The following SAMD12 variants were observed in gnomAD, a reference collection of about 807,000 sequenced individuals.
SAMD12 encodes the protein sterile alpha motif domain containing 12.
In SAMD12, 9 loss-of-function variants were observed where a neutral mutation model predicts 15.0. That is an observed-to-expected ratio of 0.60 (90% CI 0.36 to 1.05). The LOEUF (loss-of-function observed/expected upper bound fraction) is 1.05, where lower values mean the gene tolerates loss of function less well. Ranked by LOEUF, SAMD12 falls within the 50% of genes least tolerant of loss-of-function variation. The probability of loss-of-function intolerance (pLI) is 0.01; values close to 1 mark genes in which losing one functional copy is unlikely to be tolerated. For missense variants in SAMD12, 230 were observed against 234.2 expected (o/e 0.98, Z 0.12); for synonymous variants, 86 against 90.1 (o/e 0.96, Z 0.25).
chr8:118,502,424 C>T lies in SAMD12; in HGVS notation c.193-62463G>A, dbSNP rs553136819. 2.0e-5 allele frequency among the ~76,000 whole-genome samples: 3 copies of T among 152,126 alleles called. No homozygotes were observed. The East Asian group carries it at 5.8e-4, about 29-fold the overall frequency. On this transcript the variant is annotated intron_variant, in intron 2 of 3. Transcript: ENST00000314727. ...GCATGTTGTTTCCCTGATGAATGTC[C>T]TAATTCACATAGACAAAAAAAAATC...
intron 3 of SAMD12, among the ~76,000 whole-genome samples, chr8:118,428,004 T>A (rs142117724): frequency 1.8e-4 from 28 of 152,304 alleles, no homozygotes; most frequent in African/African-American, 5.1e-4. Flanking sequence ...TTGTGATTTT[T>A]ATTTGGATTT....
chr8:118,394,766 C>T (rs1322448953), intron 3 of SAMD12: 2 of 152,194 alleles, frequency 1.3e-5, no homozygotes, highest in Non-Finnish European at 2.9e-5. Context: ...GCTTTATCCT[C>T]TCAGCTCTTT....
chr8:118,594,675 G>A (rs1586844185), intron 1 of SAMD12, among the ~76,000 whole-genome samples: 1 of 152,164 alleles, frequency 6.6e-6, no homozygotes, highest in African/African-American at 2.4e-5. Flanking sequence ...CCATTACAAT[G>A]AGTGCATGGA....
chr8:118,185,641 T>C (rs1336617249), downstream of SAMD12, among the ~76,000 whole-genome samples: 1 of 152,172 alleles, frequency 6.6e-6, no homozygotes, highest in East Asian at 1.9e-4. Context: ...TACAAAGGGA[T>C]TACAGGAGTC....
intron 2 of SAMD12, among the ~76,000 whole-genome samples, chr8:118,451,034 A>G (rs1823066227): frequency 6.6e-6 from 1 of 152,186 alleles, no homozygotes; most frequent in African/African-American, 2.4e-5. Context: ...TAAAAACTTT[A>G]CGTAAATCAT....
intron 2 of SAMD12, among the ~76,000 whole-genome samples, chr8:118,475,016 A>G (rs955029533): frequency 6.6e-6 from 1 of 152,158 alleles, no homozygotes. Context: ...AGGTGGGCGG[A>G]TCACTTGAGG....
chr8:118,603,503 CA>C (rs1312109410), intron 1 of SAMD12, among the ~76,000 whole-genome samples: 2 of 151,802 alleles, frequency 1.3e-5, no homozygotes, highest in African/African-American at 4.8e-5. Flanking sequence ...TTCCAACTTT[CA>C]AAAAAAAGTT....
At chr8:118,266,351 G>A (rs555442894) in intron 4 of SAMD12, among the ~76,000 whole-genome samples, 1 of 152,290 alleles carries the variant, frequency 6.6e-6, no homozygotes, top group Non-Finnish European at 1.5e-5. Flanking sequence ...AAATATTGGT[G>A]AGGATGTGGA....
In SAMD12 at chr8:118,392,143, T is replaced by G. The variant is rs188741515; in HGVS notation, c.323-12443A>C. ...CAGCGGTAAGCACAATAAAAAGTAC[T>G]GTTGGCTGGGCGCAGTGGCTCACGC... On this transcript the variant is annotated intron_variant, in intron 3 of 3. Coordinates refer to ENST00000314727, the MANE Select transcript of SAMD12 (RefSeq NM_207506.3). Among the ~76,000 whole-genome samples, 61 of 152,286 alleles carry G rather than the reference T, an allele frequency of 4.0e-4. 1 individual carries two copies. Among genetic ancestry groups the G allele is most frequent in the African/African-American group, 1.3e-3 (53 of 41,560 alleles).
intron 4 of SAMD12, among the ~76,000 whole-genome samples, chr8:118,200,185 C>T (rs1819674467): frequency 6.6e-6 from 1 of 152,076 alleles, no homozygotes; most frequent in Admixed American, 6.6e-5. Flanking sequence ...TCAATTAAAC[C>T]TCTTTTCCTT....
chr8:118,150,248 C>T, the SAMD12 span, among the ~76,000 whole-genome samples: 5 of 152,126 alleles, frequency 3.3e-5, no homozygotes. Context: ...CATCACATAC[C>T]TTCAAGTATA....
chr8:118,325,621 G>A (rs1449228356), intron 4 of SAMD12, among the ~76,000 whole-genome samples: 3 of 152,116 alleles, frequency 2.0e-5, no homozygotes, highest in Admixed American at 6.6e-5. Context: ...TTTCAAGTAC[G>A]CCATGCAGTA....
Position 118,398,988 on chromosome 8 carries a change from G to A in SAMD12, c.323-19288C>T, listed in dbSNP as rs117535805. 9.4e-3 allele frequency among the ~76,000 whole-genome samples: 1,426 copies of A among 152,080 alleles called. 9 individuals carry two copies. Among genetic ancestry groups the A allele is most frequent in the Non-Finnish European group, 0.015 (1,048 of 67,988 alleles). On this transcript the variant is annotated intron_variant, in intron 3 of 3. Coordinates refer to ENST00000314727, the MANE Select transcript of SAMD12 (RefSeq NM_207506.3). ...AGCCTTGACCTCCTGGTCTCAAGTG[G>A]TTCTCCCACCTCAGCCTCCCGAGTA...
chr8:118,410,704 T>C (rs1821367820), intron 3 of SAMD12, among the ~76,000 whole-genome samples: 1 of 152,176 alleles, frequency 6.6e-6, no homozygotes, highest in African/African-American at 2.4e-5. Context: ...GCCAGGTGAA[T>C]ACCCGAGAAT....
intron 2 of SAMD12, among the ~76,000 whole-genome samples, chr8:118,490,198 T>C (rs1425592055): frequency 6.6e-6 from 1 of 152,178 alleles, no homozygotes; most frequent in Non-Finnish European, 1.5e-5. Flanking sequence ...AACTTTCCTA[T>C]TTAAGATGCT....
intron 2 of SAMD12, among the ~76,000 whole-genome samples, chr8:118,521,415 G>T (rs1478285427): frequency 6.6e-6 from 1 of 152,202 alleles, no homozygotes; most frequent in Non-Finnish European, 1.5e-5. Context: ...ACCTGTCAGA[G>T]CTGGCCTGAA....
intron 2 of SAMD12, among the ~76,000 whole-genome samples, chr8:118,448,568 G>C (rs1822984720): frequency 1.3e-5 from 2 of 152,178 alleles, no homozygotes; most frequent in Admixed American, 1.3e-4. Flanking sequence ...AACTGGTTCA[G>C]GTCCCAGCTG....
At chr8:118,551,675 T>C (rs1045284965) in intron 2 of SAMD12, among the ~76,000 whole-genome samples, 17 of 149,082 alleles carry the variant, frequency 1.1e-4, no homozygotes, top group African/African-American at 3.7e-4. Flanking sequence ...ATAACTAAAA[T>C]CAGAGCAGAA....
intron 2 of SAMD12, among the ~76,000 whole-genome samples, chr8:118,448,958 A>AAAGT (rs570850620): frequency 6.0e-4 from 91 of 152,296 alleles, no homozygotes; most frequent in Non-Finnish European, 9.9e-4. Context: ...ATGTTTACCG[A>AAAGT]AAGTGTATCT....
Sources: gnomAD v4.1 joint callset for allele counts (sites outside exome capture counted in the v4.1 genomes callset) on GRCh38, gnomAD v4.1.1 for gene constraint, MANE v1.5 for transcripts, NCBI Gene and HGNC (gene_info 2026-07-23, HGNC 2026-07-21) for gene names.